The following ACAD10 variants were observed in gnomAD, a reference collection of about 807,000 sequenced individuals.
The protein encoded by ACAD10 is acyl-CoA dehydrogenase family member 10.
Under a neutral mutation model 116.8 loss-of-function variants are expected in ACAD10, and 112 were observed. The observed-to-expected ratio is 0.96, with a 90% CI of 0.82 to 1.12. ACAD10 has a LOEUF of 1.12. Among genes scored for constraint, ACAD10 ranks in the 50% most tolerant of loss-of-function variants. The pLI is 0.00. For synonymous variants in ACAD10, 486 were observed against 510.6 expected, an observed-to-expected ratio of 0.95 and a Z score of 0.65; for missense variants, 1,259 against 1,350.2, an observed-to-expected ratio of 0.93 and a Z score of 1.06.
chr12:111,721,542 T>C, intron 7 of ACAD10, 129 bp from the exon 8 acceptor site: 1 of 784,726 alleles, frequency 1.3e-6, no homozygotes, highest in South Asian at 2.0e-5. Flanking sequence ...CACTCCAGCC[T>C]GGGTAACAGA....
chr12:111,722,461 A>G (rs1889043148), intron 8 of ACAD10, among the ~76,000 whole-genome samples: 2 of 151,892 alleles, frequency 1.3e-5, no homozygotes, highest in Non-Finnish European at 2.9e-5. Flanking sequence ...TCATAGGACA[A>G]TAGTGGAGGG....
intron 11 of ACAD10, among the ~76,000 whole-genome samples, chr12:111,735,691 A>G (rs912812141): frequency 1.1e-4 from 17 of 152,026 alleles, no homozygotes; most frequent in Non-Finnish European, 2.1e-4. Flanking sequence ...TCCTGACCTC[A>G]TGATCCGCCC....
chr12:111,735,756 G>C (rs1593045503), intron 11 of ACAD10, among the ~76,000 whole-genome samples: 1 of 151,782 alleles, frequency 6.6e-6, no homozygotes, highest in Admixed American at 6.6e-5. Flanking sequence ...CGCCTGGCCC[G>C]TGAAATTATT....
intron 8 of ACAD10, among the ~76,000 whole-genome samples, chr12:111,727,129 G>C (rs371828846): frequency 1.3e-5 from 2 of 152,242 alleles, no homozygotes; most frequent in South Asian, 4.1e-4. Context: ...GGGAGGCTGA[G>C]GCAGGATAAT....
chr12:111,720,831 C>T lies in ACAD10; in HGVS notation c.993-840C>T, dbSNP rs183328737. Among the ~76,000 whole-genome samples, 55 of 151,604 alleles carry T rather than the reference C, an allele frequency of 3.6e-4. 1 individual carries two copies. The highest frequency in any genetic ancestry group is 1.2e-3 in the African/African-American group (51 of 41,372). On this transcript the variant is annotated intron_variant, in intron 7 of 20. Transcript: ENST00000313698. ...TGGAGTCTCGCTCTGTCACCCAGGCCGGAGCACAGTGGAGCGATCTTGGCT... is the reference window on the plus strand; with the variant it reads ...TGGAGTCTCGCTCTGTCACCCAGGCTGGAGCACAGTGGAGCGATCTTGGCT...
rs1202525674 is a variant in ACAD10, at chr12:111,736,861, G to C, written c.1571G>C (p.Gly524Ala). 1 of 1,614,040 alleles carries C rather than the reference G, an allele frequency of 6.2e-7. No individual in the cohort carries two copies. Among genetic ancestry groups the C allele is most frequent in the South Asian group, 1.1e-5 (1 of 91,040 alleles). The part of the protein sequence containing the change: ...GINDCDLTQL[G>A]IPAAEEYFRM... ...AATGACTGTGACTTGACACAGCTGG[G>C]AATCCCTGCTGCAGAGGAGTATTTC... The change falls in exon 12 of 21, where the codon GGA becomes GCA. Residue 524 changes from glycine to alanine, a missense_variant. Transcript: ENST00000313698.
In ACAD10 at chr12:111,712,654, A is replaced by G. The variant is rs1286559288; in HGVS notation, c.847A>G (p.Thr283Ala). 6.2e-7 allele frequency: 1 copy of G among 1,613,952 alleles called. No individual in the cohort carries two copies. Among genetic ancestry groups the G allele is most frequent in the Non-Finnish European group, 8.5e-7 (1 of 1,179,948 alleles). ...YLKDLLGIQT[T>A]GPLELLQFDH... The stretch of plus-strand genomic sequence containing the variant: ...CAAAGACTTACTGGGTATCCAGACC[A>G]CAGGTATGTGGGCTTCTTTCATGTT... The change falls in exon 6 of 21, where the codon ACA (threonine) becomes GCA (alanine). Residue 283 changes from threonine (T) to alanine (A), a missense_variant. By Grantham distance (58) the Thr-to-Ala change is moderately conservative. Transcript: ENST00000313698.
chr12:111,744,838 G>T lies in ACAD10; in HGVS notation c.1910G>T (p.Ser637Ile). ...QWCPTGSRSYSSVPEASPAHT... is the reference protein window; with the variant it reads ...QWCPTGSRSYISVPEASPAHT... ...TGCCCCACAGGCAGCAGGAGTTATAGCTCCGTTCCAGAAGCTTCCCCAGCT... is the reference window on the plus strand; with the variant it reads ...TGCCCCACAGGCAGCAGGAGTTATATCTCCGTTCCAGAAGCTTCCCCAGCT... The change falls in exon 13 of 21, where the codon AGC (serine) becomes ATC (isoleucine). Residue 637 changes from serine to isoleucine, a missense_variant. By Grantham distance (142) the Ser-to-Ile change is moderately radical. Coordinates refer to ENST00000313698, the MANE Select transcript of ACAD10 (RefSeq NM_025247.6). 1 of 1,614,188 alleles carries T rather than the reference G, an allele frequency of 6.2e-7. No individual in the cohort carries two copies.
chr12:111,692,871 T>G lies in ACAD10; in HGVS notation c.162T>G (p.Ile54Met). The G allele has an allele frequency of 6.2e-7, 1 of 1,614,126 alleles. No individual in the cohort carries two copies. Among genetic ancestry groups the G allele is most frequent in the Non-Finnish European group, 8.5e-7 (1 of 1,179,996 alleles). Residue 54 changes from isoleucine to methionine, a missense_variant, in exon 2 of 21, where the codon ATT (isoleucine) becomes ATG (methionine). By Grantham distance (10) the Ile-to-Met change is conservative. Coordinates refer to ENST00000313698, the MANE Select transcript of ACAD10 (RefSeq NM_025247.6). ...AVIFDMGGVL[I>M]PSPGRVAAEW... ...TTTTCGACATGGGCGGAGTTCTCAT[T>G]CCTTCTCCAGGGAGAGTCGCTGCAG...
chr12:111,703,870 A>G lies in ACAD10; in HGVS notation c.336+1560A>G, dbSNP rs530536125. On this transcript the variant is annotated intron_variant, in intron 3 of 20. Coordinates refer to ENST00000313698, the MANE Select transcript of ACAD10 (RefSeq NM_025247.6). ...AAAACAAAAACAAAAAAAGGTTAAA[A>G]TGGTAAATTTTGTGTTACATATATT... 1.9e-4 allele frequency among the ~76,000 whole-genome samples: 29 copies of G among 151,342 alleles called. No individual in the cohort carries two copies. In the South Asian group the frequency reaches 4.4e-3, roughly 23 times the overall value.
At chr12:111,717,734 T>A (rs948985606) in intron 7 of ACAD10, among the ~76,000 whole-genome samples, 7 of 152,060 alleles carry the variant, frequency 4.6e-5, no homozygotes, top group Admixed American at 1.3e-4. Context: ...GTTTTAAAAA[T>A]TTTTTTGTAG....
chr12:111,697,942 T>C (rs1481433627), intron 2 of ACAD10, among the ~76,000 whole-genome samples: 1 of 150,542 alleles, frequency 6.6e-6, no homozygotes, highest in Non-Finnish European at 1.5e-5. Flanking sequence ...TTGCGCCTTT[T>C]TTTTTTTTTT....
chr12:111,733,805 G>A lies in ACAD10; in HGVS notation c.1395-118G>A, dbSNP rs180748553. 944 of 1,314,996 alleles carry A rather than the reference G, an allele frequency of 7.2e-4. 4 individuals carry two copies. In the African/African-American group the frequency reaches 7.2e-3, roughly 10 times the overall value. 81.5% of individuals were successfully genotyped at this position (1,314,996 alleles called of 1,614,324 possible). A position where few individuals can be genotyped will look rare whatever the true frequency, so the allele number is the denominator to read the frequency against. ...CACAGCCCAGGGAGCTCAGGCACCC[G>A]GGCACAGAGGGGATGGGAGGGTGGG... On this transcript the variant is annotated intron_variant, in intron 10 of 20. Transcript: ENST00000313698.
rs1702530934 is a variant in ACAD10 at position 111,756,717 on chromosome 12, G to C, written c.*244G>C. On this transcript the variant is annotated 3_prime_UTR_variant, in exon 21 of 21. Coordinates refer to ENST00000313698, the MANE Select transcript of ACAD10 (RefSeq NM_025247.6). ...TGAGGGCCAAGGGGGTTCTGGGACAGAGTCTGGAAAGCTGGTCTTCAGGCT... is the reference window on the plus strand; with the variant it reads ...TGAGGGCCAAGGGGGTTCTGGGACACAGTCTGGAAAGCTGGTCTTCAGGCT... 5.7e-6 allele frequency: 4 copies of C among 695,894 alleles called. No homozygotes were observed. Among genetic ancestry groups the C allele is most frequent in the African/African-American group, 5.3e-5 (3 of 56,944 alleles). The allele number at this position is 695,894 out of a possible 1,614,324, so 43.1% of individuals were successfully genotyped here.
At chr12:111,739,410 T>C (rs1889666551) in intron 12 of ACAD10, among the ~76,000 whole-genome samples, 1 of 152,118 alleles carries the variant, frequency 6.6e-6, no homozygotes, top group Admixed American at 6.6e-5. Context: ...AACACTTACA[T>C]TTCAAGGGGA....
intron 18 of ACAD10, chr12:111,753,313 G>C (rs1890122056): frequency 5.6e-6 from 2 of 360,006 alleles, no homozygotes. Context: ...AGGGGACCTT[G>C]CTCCCATTGG....
chr12:111,747,386 G>C lies in ACAD10; in HGVS notation c.2485+1G>C. 1 of 1,614,126 alleles carries C rather than the reference G, an allele frequency of 6.2e-7. No individual in the cohort carries two copies. The highest frequency in any genetic ancestry group is 8.5e-7 in the Non-Finnish European group (1 of 1,179,974). On this transcript the variant is annotated splice_donor_variant, in intron 16 of 20. Transcript: ENST00000313698. LOFTEE classifies it high-confidence loss of function. ...AACGGTCACAAATGGTGGATCACAG[G>C]TATTTGGCCTAAAATGCACTTTCCA... is the stretch of plus-strand genomic sequence containing the variant.
intron 16 of ACAD10, 94 bp downstream of exon 16, chr12:111,747,479 C>G (rs1478646920): frequency 2.5e-6 from 4 of 1,579,214 alleles, no homozygotes; most frequent in Admixed American, 1.8e-5. Context: ...TCTGCTTTTT[C>G]AAGTTGACAC....
chr12:111,707,994 G>C (rs1425228130), intron 4 of ACAD10, among the ~76,000 whole-genome samples: 1 of 152,218 alleles, frequency 6.6e-6, no homozygotes, highest in Admixed American at 6.5e-5. Flanking sequence ...AGGGACTTCA[G>C]ATTCTGTCCA....
Sources: gnomAD v4.1 joint callset for allele counts (sites outside exome capture counted in the v4.1 genomes callset) on GRCh38, gnomAD v4.1.1 for gene constraint, MANE v1.5 for transcripts, NCBI Gene and HGNC (gene_info 2026-07-23, HGNC 2026-07-21) for gene names.